The following SORCS2 variants were observed in gnomAD, a reference collection of about 807,000 sequenced individuals.
SORCS2 encodes sortilin related VPS10 domain containing receptor 2.
SORCS2 carries 100 observed loss-of-function variants against 141.6 expected under a neutral mutation model. That is an observed-to-expected ratio of 0.71 (90% confidence interval 0.60 to 0.83). The LOEUF is 0.83. Ranked by LOEUF, SORCS2 falls within the 40% of genes least tolerant of loss-of-function variation. SORCS2 has a pLI of 0.00. For missense variants in SORCS2, 1,646 were observed against 1,560.2 expected, an observed-to-expected ratio of 1.05 and a Z score of -0.93; for synonymous variants, 789 against 676.9, an observed-to-expected ratio of 1.17 and a Z score of -2.57.
chr4:7,661,546 G>A lies in SORCS2; in HGVS notation c.934G>A (p.Ala312Thr), dbSNP rs879868786. The change falls in exon 6 of 27, where the codon GCC becomes ACC. Residue 312 changes from alanine (A) to threonine (T), a missense_variant. Transcript: ENST00000507866. Reference sequence around the variant, plus strand: ...TGACCCTGACTTGGTCCACGTGGAAGCCCAAGACCTCGGTGGAGGTAAGCC... The same window carrying A: ...TGACCCTGACTTGGTCCACGTGGAAACCCAAGACCTCGGTGGAGGTAAGCC... Reference protein sequence around the residue: ...DADPDLVHVEAQDLGGDFRYV... With the variant: ...DADPDLVHVETQDLGGDFRYV... 4.3e-5 allele frequency: 67 copies of A among 1,551,860 alleles called. No homozygotes were observed. The highest frequency in any genetic ancestry group is 5.6e-5 in the Non-Finnish European group (64 of 1,147,200).
chr4:7,607,330 C>CCT (rs1318340188), intron 3 of SORCS2, among the ~76,000 whole-genome samples: 1 of 152,140 alleles, frequency 6.6e-6, no homozygotes, highest in Non-Finnish European at 1.5e-5. Context: ...CTTGCTGTGT[C>CCT]CTGAAGCCAC....
chr4:7,609,183 T>TTTGTTG (rs10645088), intron 3 of SORCS2, among the ~76,000 whole-genome samples: 2 of 152,004 alleles, frequency 1.3e-5, no homozygotes, highest in African/African-American at 4.8e-5. Context: ...TGAACTTGGT[T>TTTGTTG]TTGTTGTTGT....
At chr4:7,536,064 T>G (rs902922322) in intron 3 of SORCS2, among the ~76,000 whole-genome samples, 3 of 152,146 alleles carry the variant, frequency 2.0e-5, no homozygotes, top group African/African-American at 7.2e-5. Context: ...TGCAGAGGTG[T>G]GGACGGGCCA....
intron 1 of SORCS2, among the ~76,000 whole-genome samples, chr4:7,218,576 CTATT>C (rs1728512642): frequency 1.3e-5 from 2 of 152,182 alleles, no homozygotes; most frequent in African/African-American, 2.4e-5. Flanking sequence ...TTCTTTGTCT[CTATT>C]TATGCTCAGT....
At chr4:7,713,189 C>T (rs916689862) in intron 15 of SORCS2, among the ~76,000 whole-genome samples, 3 of 152,148 alleles carry the variant, frequency 2.0e-5, no homozygotes, top group Non-Finnish European at 2.9e-5. Flanking sequence ...CTGTACCATA[C>T]ATGACATTGG....
intron 3 of SORCS2, among the ~76,000 whole-genome samples, chr4:7,635,853 T>C (rs372045676): frequency 6.6e-6 from 1 of 152,248 alleles, no homozygotes; most frequent in African/African-American, 2.4e-5. Context: ...CTTGGTGTGC[T>C]GGCAGAGCAG....
intron 1 of SORCS2, among the ~76,000 whole-genome samples, chr4:7,333,741 A>G (rs2108972225): frequency 6.6e-6 from 1 of 152,294 alleles, no homozygotes; most frequent in African/African-American, 2.4e-5. Context: ...AAGTTATAAG[A>G]AGGCAGCTGT....
intron 1 of SORCS2, among the ~76,000 whole-genome samples, chr4:7,264,531 G>A (rs551162697): frequency 6.3e-4 from 96 of 152,292 alleles, no homozygotes; most frequent in African/African-American, 2.1e-3. Context: ...ATCACAGGTG[G>A]GCACTCAGCC....
intron 3 of SORCS2, among the ~76,000 whole-genome samples, chr4:7,630,511 G>T (rs921846711): frequency 1.3e-5 from 2 of 152,208 alleles, no homozygotes; most frequent in African/African-American, 4.8e-5. Context: ...ATCTCAGTGG[G>T]ACTCTGTATC....
intron 3 of SORCS2, among the ~76,000 whole-genome samples, chr4:7,608,830 T>C (rs1164195401): frequency 6.6e-6 from 1 of 152,092 alleles, no homozygotes; most frequent in African/African-American, 2.4e-5. Context: ...CTGTACCAGA[T>C]TCTGCTTGGG....
chr4:7,299,392 C>A (rs13101869), intron 1 of SORCS2, among the ~76,000 whole-genome samples: 2 of 152,142 alleles, frequency 1.3e-5, no homozygotes, highest in Non-Finnish European at 2.9e-5. Context: ...ATGGCTCTGC[C>A]CCTCAGCGGT....
rs79709514 is a variant in SORCS2 at position 7,332,875 on chromosome 4, T to G, written c.481-63413T>G. ...GATGTGGACTCTGCCACCCCCAGGC[T>G]TACGTCCCAGCTCAGCCTTTTACCA... On this transcript the variant is annotated intron_variant, in intron 1 of 26. Coordinates refer to ENST00000507866, the MANE Select transcript of SORCS2 (RefSeq NM_020777.3). Among the ~76,000 whole-genome samples the G allele has an allele frequency of 4.6e-3, 699 of 152,326 alleles. 2 individuals carry two copies. The highest frequency in any genetic ancestry group is 0.014 in the African/African-American group (585 of 41,580).
At chr4:7,393,566 G>C (rs1340745874) in intron 1 of SORCS2, among the ~76,000 whole-genome samples, 1 of 152,136 alleles carries the variant, frequency 6.6e-6, no homozygotes, top group African/African-American at 2.4e-5. Context: ...TGTAGTTTTT[G>C]GCAAAATATT....
intron 3 of SORCS2, among the ~76,000 whole-genome samples, chr4:7,590,420 T>C (rs1440879398): frequency 6.6e-6 from 1 of 152,168 alleles, no homozygotes; most frequent in Non-Finnish European, 1.5e-5. Context: ...GTGGCCTGGC[T>C]TCTCAGGTCC....
intron 1 of SORCS2, among the ~76,000 whole-genome samples, chr4:7,390,731 C>G (rs1282008111): frequency 6.6e-6 from 1 of 152,172 alleles, no homozygotes; most frequent in Non-Finnish European, 1.5e-5. Flanking sequence ...AACAGCTGAC[C>G]TCGTTCCTGG....
intron 1 of SORCS2, among the ~76,000 whole-genome samples, chr4:7,244,468 C>T (rs1397849524): frequency 6.6e-6 from 1 of 152,272 alleles, no homozygotes; most frequent in Admixed American, 6.5e-5. Flanking sequence ...TCCGTCCCTG[C>T]CCCTCGGTCG....
chr4:7,394,160 A>G (rs1005485871), intron 1 of SORCS2, among the ~76,000 whole-genome samples: 15 of 152,104 alleles, frequency 9.9e-5, no homozygotes, highest in African/African-American at 3.6e-4. Flanking sequence ...TCTTGATGGA[A>G]GGAGTGCGGT....
intron 3 of SORCS2, among the ~76,000 whole-genome samples, chr4:7,556,008 A>G (rs934579167): frequency 6.6e-6 from 1 of 152,190 alleles, no homozygotes; most frequent in African/African-American, 2.4e-5. Context: ...GATATTCAAC[A>G]CTCAACTCAC....
Position 7,712,628 on chromosome 4 carries a change from C to A in SORCS2, c.1869-105C>A, listed in dbSNP as rs920585599. ...AAGGGCAGGAGAAGGATATCTGTGC[C>A]CATGGTACAGGTAGGAACAGAGTCC... On this transcript the variant is annotated intron_variant, in intron 14 of 26. Coordinates refer to ENST00000507866, the MANE Select transcript of SORCS2 (RefSeq NM_020777.3). 5.3e-6 allele frequency: 8 copies of A among 1,497,986 alleles called. No individual in the cohort carries two copies. In the East Asian group the frequency reaches 1.6e-4, roughly 30 times the overall value. The allele number at this position is 1,497,986 out of a possible 1,614,324, so 92.8% of individuals were successfully genotyped here. A position where few individuals can be genotyped will look rare whatever the true frequency, so the allele number is the denominator to read the frequency against.
Sources: gnomAD v4.1 joint callset for allele counts (sites outside exome capture counted in the v4.1 genomes callset) on GRCh38, gnomAD v4.1.1 for gene constraint, MANE v1.5 for transcripts, NCBI Gene and HGNC (gene_info 2026-07-23, HGNC 2026-07-21) for gene names.